TNFRSF11A: variants seen among roughly 807,000 people sequenced by gnomAD.
TNFRSF11A encodes TNF receptor superfamily member 11a, also known as tumor necrosis factor receptor superfamily member 11A.
TNFRSF11A carries 32 observed loss-of-function variants against 55.7 expected under a neutral mutation model. That is an observed-to-expected ratio of 0.57 (90% CI 0.43 to 0.77). The LOEUF (loss-of-function observed/expected upper bound fraction) is 0.77, where lower values mean the gene tolerates loss of function less well. Ranked by LOEUF, TNFRSF11A falls within the 30% of genes least tolerant of loss-of-function variation. The pLI, the probability that TNFRSF11A is intolerant of heterozygous loss-of-function variation, is 0.00. For missense variants in TNFRSF11A, 753 were observed against 809.8 expected (o/e 0.93, Z 0.85); for synonymous variants, 311 against 331.0 (o/e 0.94, Z 0.65).
chr18:62,344,054 G>A (rs2046349314), intron 1 of TNFRSF11A, among the ~76,000 whole-genome samples: 1 of 152,170 alleles, frequency 6.6e-6, no homozygotes, highest in Non-Finnish European at 1.5e-5. Flanking sequence ...CTCCAAGGCG[G>A]CTGTGATGTA....
intron 3 of TNFRSF11A, among the ~76,000 whole-genome samples, chr18:62,351,560 C>A (rs1442411931): frequency 1.3e-5 from 2 of 152,146 alleles, no homozygotes; most frequent in East Asian, 3.8e-4. Context: ...TCTCTCATTT[C>A]TTTTTCATTT....
chr18:62,359,879 G>T, intron 5 of TNFRSF11A, 76 bp from the exon 6 acceptor site: 2 of 1,337,850 alleles, frequency 1.5e-6, no homozygotes, highest in Non-Finnish European at 2.1e-6. Flanking sequence ...GGCAATCTGG[G>T]AGAGTTTTGC....
chr18:62,327,338 CCT>C (rs2046090898), intron 1 of TNFRSF11A, among the ~76,000 whole-genome samples: 1 of 152,100 alleles, frequency 6.6e-6, no homozygotes, highest in African/African-American at 2.4e-5. Flanking sequence ...TACCACCTGC[CCT>C]GAGTTCAAAA....
At chr18:62,337,364 C>T (rs938025980) in intron 1 of TNFRSF11A, among the ~76,000 whole-genome samples, 1 of 152,120 alleles carries the variant, frequency 6.6e-6, no homozygotes, top group Non-Finnish European at 1.5e-5. Flanking sequence ...AGTATTTAAA[C>T]CTTTATGGGG....
In TNFRSF11A at chr18:62,368,931, C is replaced by T; in HGVS notation, c.1014C>T (p.Asp338=). Residue 338 remains aspartate (D), a synonymous_variant, in exon 9 of 10, where the codon GAC becomes GAT. Coordinates refer to ENST00000586569, the MANE Select transcript of TNFRSF11A (RefSeq NM_003839.4). The stretch of plus-strand genomic sequence containing the variant: ...TCAGCAAGACCGAGATAGAGGAAGA[C>T]AGCTTCAGACAGATGCCCACAGAAG... The part of the protein sequence containing the change: ...SLVSKTEIEE[D]SFRQMPTEDE... 1.2e-6 allele frequency: 2 copies of T among 1,614,272 alleles called. No homozygotes were observed. The highest frequency in any genetic ancestry group is 1.7e-6 in the Non-Finnish European group (2 of 1,180,056).
intron 4 of TNFRSF11A, among the ~76,000 whole-genome samples, chr18:62,356,252 A>G (rs1015518909): frequency 6.6e-5 from 10 of 152,234 alleles, no homozygotes; most frequent in African/African-American, 2.2e-4. Context: ...ATTTCAATTC[A>G]TATCAAGGAA....
chr18:62,356,328 A>G (rs1909252955), intron 4 of TNFRSF11A, among the ~76,000 whole-genome samples: 3 of 152,224 alleles, frequency 2.0e-5, no homozygotes, highest in Non-Finnish European at 4.4e-5. Context: ...ACTAAACCAG[A>G]TGTGCTTTCT....
rs369489962 is a variant in TNFRSF11A, at chr18:62,384,834, G to C, written c.1651G>C (p.Val551Leu). The C allele has an allele frequency of 8.1e-6, 13 of 1,611,260 alleles. No individual in the cohort carries two copies. The highest frequency in any genetic ancestry group is 1.0e-5 in the Non-Finnish European group (12 of 1,179,040). ...CAAGGGCGACATCATCGTGGTCTAC[G>C]TCAGCCAGACCTCGCAGGAGGGCGC... The part of the protein sequence containing the change: ...NFKGDIIVVY[V>L]SQTSQEGAAA... Residue 551 changes from valine to leucine, a missense_variant, in exon 10 of 10, where the codon GTC becomes CTC. Val to Leu is a conservative substitution (Grantham distance 32). Coordinates refer to ENST00000586569, the MANE Select transcript of TNFRSF11A (RefSeq NM_003839.4).
chr18:62,347,106 C>T (rs929181164), intron 1 of TNFRSF11A, among the ~76,000 whole-genome samples: 2 of 152,194 alleles, frequency 1.3e-5, no homozygotes, highest in Admixed American at 6.5e-5. Flanking sequence ...TGCTTCCTTC[C>T]TACTACTGCT....
intron 4 of TNFRSF11A, among the ~76,000 whole-genome samples, chr18:62,356,485 T>C (rs1438468847): frequency 2.0e-5 from 3 of 152,246 alleles, no homozygotes; most frequent in African/African-American, 4.8e-5. Flanking sequence ...GGGATTCTAT[T>C]AGACTTTCTC....
intron 4 of TNFRSF11A, among the ~76,000 whole-genome samples, chr18:62,356,453 T>G (rs1000429089): frequency 2.3e-4 from 35 of 152,166 alleles, no homozygotes; most frequent in African/African-American, 7.7e-4. Context: ...TTCCTTTAGG[T>G]TTTCACCAGC....
At chr18:62,345,304 A>G (rs2046367324) in intron 1 of TNFRSF11A, among the ~76,000 whole-genome samples, 1 of 152,246 alleles carries the variant, frequency 6.6e-6, no homozygotes, top group Non-Finnish European at 1.5e-5. Context: ...GGCATGCACC[A>G]ACAACCTAAA....
rs929910837 is a variant in TNFRSF11A, at chr18:62,386,539, C to T, written c.*1505C>T. 6.6e-6 allele frequency: 1 copy of T among 152,114 alleles called. No homozygotes were observed. The highest frequency in any genetic ancestry group is 1.5e-5 in the Non-Finnish European group (1 of 68,030). The allele number at this position is 152,114 out of a possible 1,614,324, so 9.4% of individuals were successfully genotyped here. On this transcript the variant is annotated 3_prime_UTR_variant, in exon 10 of 10. Coordinates refer to ENST00000586569, the MANE Select transcript of TNFRSF11A (RefSeq NM_003839.4). The stretch of plus-strand genomic sequence containing the variant: ...CCTGGGTGGTTTTATCTTTTGTTAC[C>T]CAGTGAGCACTGGTTCCCCGCAAAT...
In TNFRSF11A at chr18:62,360,092, G is replaced by T. The variant is rs1210241794; in HGVS notation, c.616+43G>T. 11 of 1,572,062 alleles carry T rather than the reference G, an allele frequency of 7.0e-6. No individual in the cohort carries two copies. In the South Asian group the frequency reaches 1.1e-4, roughly 16 times the overall value. On this transcript the variant is annotated intron_variant, in intron 6 of 9. Coordinates refer to ENST00000586569, the MANE Select transcript of TNFRSF11A (RefSeq NM_003839.4). ...CTGTTGGTTGATAGATGTGCCCCAG[G>T]GTGGTCAGCTGGTTTAGATCCCTCC... is the stretch of plus-strand genomic sequence containing the variant.
chr18:62,336,119 G>A (rs1317557976), intron 1 of TNFRSF11A, among the ~76,000 whole-genome samples: 1 of 152,182 alleles, frequency 6.6e-6, no homozygotes, highest in African/African-American at 2.4e-5. Flanking sequence ...GGTTCTCAAT[G>A]TCTATTGTAC....
In TNFRSF11A at chr18:62,359,842, G is replaced by A; in HGVS notation, c.522-113G>A. The stretch of plus-strand genomic sequence containing the variant: ...CACAGGGGATTCAAATGTCCAAGAA[G>A]GCGTGGGTTCCTCTCCTGAAGGAGC... On this transcript the variant is annotated intron_variant, in intron 5 of 9. Transcript: ENST00000586569. 3.5e-6 allele frequency: 3 copies of A among 856,752 alleles called. No individual in the cohort carries two copies. The South Asian group carries it at 4.0e-5, about 12-fold the overall frequency. The allele number at this position is 856,752 out of a possible 1,614,324, so 53.1% of individuals were successfully genotyped here.
chr18:62,377,824 C>T (rs2036565444), intron 9 of TNFRSF11A, among the ~76,000 whole-genome samples: 2 of 152,214 alleles, frequency 1.3e-5, no homozygotes, highest in African/African-American at 4.8e-5. Flanking sequence ...CAGATATTTT[C>T]TTCCAGTCTG....
Position 62,367,160 on chromosome 18 carries a change from T to G in TNFRSF11A, c.783+400T>G, listed in dbSNP as rs1910153474. On this transcript the variant is annotated intron_variant, in intron 8 of 9. Coordinates refer to ENST00000586569, the MANE Select transcript of TNFRSF11A (RefSeq NM_003839.4). ...CCACCGCGCCCGGCCTCAGCTCCTT[T>G]GCTTACAGGGCATTTCCAGGTTCAG... is the stretch of plus-strand genomic sequence containing the variant. Among the ~76,000 whole-genome samples the G allele has an allele frequency of 2.0e-5, 3 of 152,220 alleles. No homozygotes were observed. The South Asian group carries it at 6.2e-4, about 32-fold the overall frequency.
Position 62,384,968 on chromosome 18 carries a change from CG to C in TNFRSF11A, c.1786del (p.Glu596ArgfsTer80). 1 of 1,477,674 alleles carries C rather than the reference CG, an allele frequency of 6.8e-7. No homozygotes were observed. The highest frequency in any genetic ancestry group is 2.6e-5 in the East Asian group (1 of 38,016). 91.5% of individuals were successfully genotyped at this position (1,477,674 alleles called of 1,614,324 possible). A position where few individuals can be genotyped will look rare whatever the true frequency, so the allele number is the denominator to read the frequency against. On this transcript the variant is annotated frameshift_variant, in exon 10 of 10. Coordinates refer to ENST00000586569, the MANE Select transcript of TNFRSF11A (RefSeq NM_003839.4). LOFTEE classifies it low-confidence loss of function (END_TRUNC). ...PRFPDPCGGP[E>X]GLREPEKASR... ...GCTTCCCGGACCCGTGCGGCGGCCCCGAGGGGCTGCGGGAGCCGGAGAAGGC... is the reference window on the plus strand; with the variant it reads ...GCTTCCCGGACCCGTGCGGCGGCCCCAGGGGCTGCGGGAGCCGGAGAAGGC...
Sources: gnomAD v4.1 joint callset for allele counts (sites outside exome capture counted in the v4.1 genomes callset) on GRCh38, gnomAD v4.1.1 for gene constraint, MANE v1.5 for transcripts, NCBI Gene and HGNC (gene_info 2026-07-23, HGNC 2026-07-21) for gene names.